NPR3: variants seen among roughly 807,000 people sequenced by gnomAD.
The protein encoded by NPR3 is atrial natriuretic peptide receptor 3.
A neutral mutation model predicts 54.5 loss-of-function variants in NPR3; 34 were observed. The ratio of observed to expected loss-of-function variants is 0.62; its 90% CI spans 0.47 to 0.83. The LOEUF (loss-of-function observed/expected upper bound fraction) is 0.83. NPR3 is among the 40% of genes least tolerant of loss of function. The pLI is 0.00. For synonymous variants in NPR3, 289 were observed against 297.1 expected (o/e 0.97, Z 0.28); for missense variants, 674 against 720.8 (o/e 0.94, Z 0.74).
chr5:32,784,549 A>G (rs1742506430), intron 6 of NPR3, among the ~76,000 whole-genome samples: 1 of 151,714 alleles, frequency 6.6e-6, no homozygotes, highest in Non-Finnish European at 1.5e-5. Context: ...CACTGTGTCC[A>G]CTCTCTTAAT....
intron 1 of NPR3, among the ~76,000 whole-genome samples, chr5:32,699,496 T>C (rs1207554798): frequency 6.6e-6 from 1 of 152,182 alleles, no homozygotes; most frequent in Non-Finnish European, 1.5e-5. Flanking sequence ...CAATGTGTGC[T>C]GTTCACCTCC....
rs1368675595 is a variant in NPR3, at chr5:32,711,644, G to A, written c.-133G>A. On this transcript the variant is annotated 5_prime_UTR_variant, in exon 1 of 8. Coordinates refer to ENST00000265074, the MANE Select transcript of NPR3 (RefSeq NM_001204375.2). ...ATCTTTTGGCGCATTAGTGAAGGGG[G>A]TATTCTATTTTGTTAAAGCGCCCAA... The A allele has an allele frequency of 2.3e-6, 3 of 1,283,224 alleles. No homozygotes were observed. Among genetic ancestry groups the A allele is most frequent in the South Asian group, 6.4e-5 (2 of 31,086 alleles). The allele number at this position is 1,283,224 out of a possible 1,614,324, so 79.5% of individuals were successfully genotyped here.
At chr5:32,735,066 C>G (rs989243548) in intron 2 of NPR3, among the ~76,000 whole-genome samples, 2 of 152,162 alleles carry the variant, frequency 1.3e-5, no homozygotes, top group Non-Finnish European at 1.5e-5. Flanking sequence ...GAGGCAGCCC[C>G]TGGTTTCTAA....
At chr5:32,765,537 C>T (rs1007633708) in intron 3 of NPR3, among the ~76,000 whole-genome samples, 17 of 152,138 alleles carry the variant, frequency 1.1e-4, no homozygotes, top group Admixed American at 4.6e-4. Flanking sequence ...CTGTATTTGA[C>T]GCAGGGCTAG....
chr5:32,790,024 A>G lies in NPR3; in HGVS notation c.*3679A>G. ...AGGCCCCTCGACCTACAGACATTTC[A>G]TGGGTTTTATTTAATCACACCCCAT... On this transcript the variant is annotated 3_prime_UTR_variant, in exon 8 of 8. Coordinates refer to ENST00000265074, the MANE Select transcript of NPR3 (RefSeq NM_001204375.2). 1 of 236,034 alleles carries G rather than the reference A, an allele frequency of 4.2e-6. No homozygotes were observed. Among genetic ancestry groups the G allele is most frequent in the East Asian group, 1.0e-4 (1 of 9,652 alleles). The allele number at this position is 236,034 out of a possible 1,614,324, so 14.6% of individuals were successfully genotyped here. A position where few individuals can be genotyped will look rare whatever the true frequency, so the allele number is the denominator to read the frequency against.
chr5:32,789,545 T>C lies in NPR3; in HGVS notation c.*3200T>C. Reference sequence around the variant, plus strand: ...TTAATGGAGGGAAGAGAGAAATGCATGGGAAAAGAACACCTCCTTTTCTCC... The same window carrying C: ...TTAATGGAGGGAAGAGAGAAATGCACGGGAAAAGAACACCTCCTTTTCTCC... On this transcript the variant is annotated 3_prime_UTR_variant, in exon 8 of 8. Coordinates refer to ENST00000265074, the MANE Select transcript of NPR3 (RefSeq NM_001204375.2). The C allele has an allele frequency of 1.9e-6, 1 of 534,736 alleles. No individual in the cohort carries two copies. Among genetic ancestry groups the C allele is most frequent in the South Asian group, 1.4e-5 (1 of 71,590 alleles). The allele number at this position is 534,736 out of a possible 1,614,324, so 33.1% of individuals were successfully genotyped here.
chr5:32,749,643 T>C lies in NPR3; in HGVS notation c.1059+10613T>C, dbSNP rs77277956. ...ACAAAATTCCCCTCCAAATTCCTTC[T>C]TGAGGGTCATAAGGCTGCCCTATAT... is the stretch of plus-strand genomic sequence containing the variant. On this transcript the variant is annotated intron_variant, in intron 3 of 7. Transcript: ENST00000265074. Among the ~76,000 whole-genome samples, 6 of 152,336 alleles carry C rather than the reference T, an allele frequency of 3.9e-5. No homozygotes were observed. The East Asian group carries it at 9.6e-4, about 24-fold the overall frequency.
At chr5:32,691,369 T>C (rs1242812213) in intron 1 of NPR3, among the ~76,000 whole-genome samples, 2 of 152,242 alleles carry the variant, frequency 1.3e-5, no homozygotes, top group Non-Finnish European at 2.9e-5. Context: ...GGGAAATCAA[T>C]TATTCAATGT....
At chr5:32,714,913 G>C (rs997474326) in intron 1 of NPR3, among the ~76,000 whole-genome samples, 1 of 152,118 alleles carries the variant, frequency 6.6e-6, no homozygotes, top group Non-Finnish European at 1.5e-5. Flanking sequence ...TCTGTACCTC[G>C]AGCTCCTTAG....
intron 3 of NPR3, among the ~76,000 whole-genome samples, chr5:32,750,090 G>C (rs765896748): frequency 6.6e-6 from 1 of 152,052 alleles, no homozygotes; most frequent in Non-Finnish European, 1.5e-5. Flanking sequence ...TGTACACTTT[G>C]GTTGTAGTTT....
At chr5:32,769,262 C>G (rs1447737611) in intron 3 of NPR3, among the ~76,000 whole-genome samples, 2 of 152,154 alleles carry the variant, frequency 1.3e-5, no homozygotes, top group Non-Finnish European at 1.5e-5. Context: ...AGTCTAGGTA[C>G]TGTATTATAT....
chr5:32,780,885 C>T, intron 5 of NPR3, 69 bp downstream of exon 5: 1 of 738,330 alleles, frequency 1.4e-6, no homozygotes, highest in Non-Finnish European at 2.4e-6. Flanking sequence ...TGCATTTGTT[C>T]TGGTGGCCAA....
At chr5:32,763,875 T>C (rs761392970) in intron 3 of NPR3, among the ~76,000 whole-genome samples, 4 of 152,222 alleles carry the variant, frequency 2.6e-5, no homozygotes, top group Non-Finnish European at 4.4e-5. Context: ...GTAATTAAAT[T>C]ACTGACTGAC....
rs1331975211 is a variant in NPR3 at position 32,738,719 on chromosome 5, A to G, written c.893-145A>G. The G allele has an allele frequency of 1.7e-5, 11 of 649,248 alleles. No individual in the cohort carries two copies. The East Asian group carries it at 2.9e-4, about 17-fold the overall frequency. The allele number at this position is 649,248 out of a possible 1,614,324, so 40.2% of individuals were successfully genotyped here. On this transcript the variant is annotated intron_variant, in intron 2 of 7. Transcript: ENST00000265074. ...CCTTTAATGGTCTTGACGTTGTCCC[A>G]TCATACCTAAGTGCAAAACTATGAC... is the stretch of plus-strand genomic sequence containing the variant.
intron 2 of NPR3, among the ~76,000 whole-genome samples, chr5:32,732,869 A>C (rs1209305467): frequency 6.6e-6 from 1 of 151,742 alleles, no homozygotes; most frequent in South Asian, 2.1e-4. Flanking sequence ...TTTGAGACAG[A>C]GTTTTGCTCT....
intron 2 of NPR3, 72 bp from the exon 3 acceptor site, chr5:32,738,792 C>A: frequency 7.2e-7 from 1 of 1,384,110 alleles, no homozygotes; most frequent in Non-Finnish European, 1.0e-6. Flanking sequence ...GGGCGCCTCA[C>A]AGTTGTGAAG....
intron 3 of NPR3, among the ~76,000 whole-genome samples, chr5:32,773,434 A>G (rs1741875281): frequency 6.6e-6 from 1 of 152,152 alleles, no homozygotes; most frequent in African/African-American, 2.4e-5. Flanking sequence ...CAAGTTCCTC[A>G]GTGTGGTCTC....
At chr5:32,762,936 G>T (rs1422428739) in intron 3 of NPR3, among the ~76,000 whole-genome samples, 2 of 152,160 alleles carry the variant, frequency 1.3e-5, no homozygotes, top group African/African-American at 4.8e-5. Flanking sequence ...TATTGCCTAG[G>T]TTTTCTTCTA....
At chr5:32,779,988 G>C (rs1294766225) in intron 4 of NPR3, among the ~76,000 whole-genome samples, 1 of 152,134 alleles carries the variant, frequency 6.6e-6, no homozygotes, top group East Asian at 1.9e-4. Context: ...CAAGGTCATG[G>C]AGCTATGTAA....
Sources: allele counts gnomAD v4.1 joint callset (sites outside exome capture counted in the v4.1 genomes callset), GRCh38; gene constraint gnomAD v4.1.1; transcripts MANE v1.5; gene names NCBI Gene and HGNC (gene_info 2026-07-23, HGNC 2026-07-21).